EYA2: variants seen among roughly 807,000 people sequenced by gnomAD.
EYA2 encodes the protein protein phosphatase EYA2.
Under a neutral mutation model 69.2 loss-of-function variants are expected in EYA2, and 31 were observed. The ratio of observed to expected loss-of-function variants is 0.45; its 90% CI spans 0.34 to 0.60. The LOEUF is 0.60. Among genes scored for constraint, EYA2 ranks in the 20% least tolerant of loss-of-function variants. The probability of loss-of-function intolerance (pLI) is 0.02; values close to 1 mark genes in which losing one functional copy is unlikely to be tolerated. For synonymous variants in EYA2, 257 were observed against 279.4 expected, an observed-to-expected ratio of 0.92 and a Z score of 0.80; for missense variants, 622 against 701.2, an observed-to-expected ratio of 0.89 and a Z score of 1.28.
chr20:46,931,820 G>C (rs533098317), intron 1 of EYA2, among the ~76,000 whole-genome samples: 1 of 152,056 alleles, frequency 6.6e-6, no homozygotes, highest in Non-Finnish European at 1.5e-5. Context: ...TGGCTTGAGC[G>C]TCCAGAGGAG....
chr20:47,002,108 T>G (rs920467282), intron 3 of EYA2, among the ~76,000 whole-genome samples: 12 of 151,716 alleles, frequency 7.9e-5, no homozygotes, highest in African/African-American at 2.4e-4. Context: ...CTCTCCCTTT[T>G]TCTCTTTCCC....
rs558639600 is a variant in EYA2, at chr20:46,941,793, C to T, written c.-11+46806C>T. On this transcript the variant is annotated intron_variant, in intron 1 of 15. Transcript: ENST00000327619. ...TTTTTTCTTGAGACAAAGTCTCACT[C>T]TGTGATCCAGGCTGGAGTGCAGTGG... Among the ~76,000 whole-genome samples, 16 of 152,114 alleles carry T rather than the reference C, an allele frequency of 1.1e-4. No individual in the cohort carries two copies. In the East Asian group the frequency reaches 2.5e-3, roughly 24 times the overall value.
Position 47,089,308 on chromosome 20 carries a change from C to A in EYA2, c.731C>A (p.Ala244Asp), listed in dbSNP as rs267605970. The change falls in exon 8 of 16, where the codon GCC becomes GAC. Residue 244 changes from alanine (A) to aspartate (D), a missense_variant. Physicochemically the swap from Ala to Asp is moderately radical, Grantham distance 126 (BLOSUM62 -2). Transcript: ENST00000327619. ...KEGDTDRPHR[A>D]SDGKLRGRSK... ...GGAGACACAGACAGGCCGCACCGGGCCTCCGACGGGAAGCTCCGAGGCCGG... is the reference window on the plus strand; with the variant it reads ...GGAGACACAGACAGGCCGCACCGGGACTCCGACGGGAAGCTCCGAGGCCGG... 3 of 1,614,078 alleles carry A rather than the reference C, an allele frequency of 1.9e-6. No individual in the cohort carries two copies. Among genetic ancestry groups the A allele is most frequent in the East Asian group, 2.2e-5 (1 of 44,888 alleles).
intron 1 of EYA2, among the ~76,000 whole-genome samples, chr20:46,960,512 C>G (rs966933072): frequency 6.6e-6 from 1 of 152,126 alleles, no homozygotes; most frequent in Non-Finnish European, 1.5e-5. Flanking sequence ...ATGAGGAAAC[C>G]GAGGCACAGC....
intron 1 of EYA2, among the ~76,000 whole-genome samples, chr20:46,945,540 A>T (rs1158899570): frequency 6.6e-6 from 1 of 152,352 alleles, no homozygotes; most frequent in East Asian, 1.9e-4. Context: ...CCCTGCGGAA[A>T]TGCAGGCTGC....
chr20:47,104,660 C>T (rs948696159), intron 9 of EYA2, among the ~76,000 whole-genome samples: 4 of 152,128 alleles, frequency 2.6e-5, no homozygotes, highest in African/African-American at 7.2e-5. Flanking sequence ...ACTATCAAGT[C>T]GTCCCAGTAG....
intron 5 of EYA2, among the ~76,000 whole-genome samples, chr20:47,068,364 C>T (rs1422483303): frequency 6.6e-6 from 1 of 152,256 alleles, no homozygotes; most frequent in African/African-American, 2.4e-5. Flanking sequence ...AAGCATGAGA[C>T]AGGCTTAAGG....
At chr20:47,149,423 G>A (rs973633433) in intron 10 of EYA2, among the ~76,000 whole-genome samples, 3 of 151,968 alleles carry the variant, frequency 2.0e-5, no homozygotes, top group African/African-American at 4.8e-5. Flanking sequence ...CATCCATGGC[G>A]TTTGGTGGCC....
intron 4 of EYA2, among the ~76,000 whole-genome samples, chr20:47,012,342 G>A (rs1455833261): frequency 6.6e-6 from 1 of 152,200 alleles, no homozygotes; most frequent in African/African-American, 2.4e-5. Flanking sequence ...GCCAAACCGT[G>A]ACCAGATTTC....
intron 1 of EYA2, among the ~76,000 whole-genome samples, chr20:46,971,699 T>C (rs1459204162): frequency 6.6e-6 from 1 of 152,246 alleles, no homozygotes; most frequent in African/African-American, 2.4e-5. Context: ...GGGGAACTTA[T>C]CTTTTCACAT....
At chr20:46,956,012 G>A (rs1021314846) in intron 1 of EYA2, among the ~76,000 whole-genome samples, 2 of 152,316 alleles carry the variant, frequency 1.3e-5, no homozygotes, top group African/African-American at 4.8e-5. Context: ...TACAAAATCA[G>A]GAAGTGCACC....
At chr20:47,180,345 A>G (rs2034515057) in intron 13 of EYA2, among the ~76,000 whole-genome samples, 1 of 152,138 alleles carries the variant, frequency 6.6e-6, no homozygotes, top group Non-Finnish European at 1.5e-5. Context: ...TATTTAATAA[A>G]GCTTAAGTGC....
At chr20:47,024,328 C>T (rs1983953292) in intron 5 of EYA2, among the ~76,000 whole-genome samples, 2 of 152,298 alleles carry the variant, frequency 1.3e-5, no homozygotes, top group South Asian at 4.1e-4. Flanking sequence ...AAATTTTTCC[C>T]ACTACTGAGG....
At chr20:47,156,121 CACACACAT>C (rs2033931892) in intron 10 of EYA2, among the ~76,000 whole-genome samples, 3 of 24,398 alleles carry the variant, frequency 1.2e-4, no homozygotes, top group South Asian at 1.4e-3. Context: ...CACACACACA[CACACACAT>C]ATATATATAT....
chr20:47,170,313 G>T (rs1017475822), intron 11 of EYA2, among the ~76,000 whole-genome samples: 3 of 152,086 alleles, frequency 2.0e-5, no homozygotes, highest in African/African-American at 7.2e-5. Context: ...ACACTCCCAG[G>T]ACATGGCTTC....
chr20:47,101,174 C>G (rs2032413260), intron 9 of EYA2, among the ~76,000 whole-genome samples: 2 of 152,186 alleles, frequency 1.3e-5, no homozygotes, highest in African/African-American at 4.8e-5. Flanking sequence ...TAACCTCAAA[C>G]TCCTCACTCA....
chr20:46,903,469 A>G (rs1984211928), intron 1 of EYA2, among the ~76,000 whole-genome samples: 1 of 152,202 alleles, frequency 6.6e-6, no homozygotes, highest in Non-Finnish European at 1.5e-5. Flanking sequence ...GGAGGAATGT[A>G]GAGAATCAGA....
intron 8 of EYA2, chr20:47,096,216 T>C (rs945315043): frequency 6.6e-6 from 1 of 152,182 alleles, no homozygotes; most frequent in African/African-American, 2.4e-5. Flanking sequence ...GGATATGACA[T>C]TGGACACATA....
intron 5 of EYA2, among the ~76,000 whole-genome samples, chr20:47,067,222 G>A (rs2031145356): frequency 6.6e-6 from 1 of 152,162 alleles, no homozygotes; most frequent in Non-Finnish European, 1.5e-5. Flanking sequence ...GAAATCAGAA[G>A]AGAAAACACT....
Sources: allele counts gnomAD v4.1 joint callset (sites outside exome capture counted in the v4.1 genomes callset), GRCh38; gene constraint gnomAD v4.1.1; transcripts MANE v1.5; gene names NCBI Gene and HGNC (gene_info 2026-07-23, HGNC 2026-07-21).